PLAC8: variants seen among roughly 807,000 people sequenced by gnomAD.
The protein encoded by PLAC8 is placenta associated 8, also known as placenta-specific gene 8 protein.
In PLAC8, 6 loss-of-function variants were observed where a neutral mutation model predicts 12.6. That is an observed-to-expected ratio of 0.48 (90% CI 0.26 to 0.94). PLAC8 has a LOEUF of 0.94. Ranked by LOEUF, PLAC8 falls within the 40% of genes least tolerant of loss-of-function variation. The pLI is 0.14. For synonymous variants in PLAC8, 54 were observed against 52.6 expected (o/e 1.03, Z -0.11); for missense variants, 122 against 152.7 (o/e 0.80, Z 1.06).
intron 3 of PLAC8, among the ~76,000 whole-genome samples, chr4:83,100,355 C>G (rs1172937931): frequency 1.3e-5 from 2 of 152,090 alleles, no homozygotes; most frequent in Non-Finnish European, 2.9e-5. Flanking sequence ...GCTGGCTCCC[C>G]CTTTGCTTTC....
chr4:83,108,992 C>A (rs1732337490), intron 1 of PLAC8, among the ~76,000 whole-genome samples: 1 of 152,124 alleles, frequency 6.6e-6, no homozygotes, highest in African/African-American at 2.4e-5. Flanking sequence ...GTGGTAGGGG[C>A]AGTTTATTAA....
At chr4:83,103,287 C>A (rs987391669) in intron 3 of PLAC8, among the ~76,000 whole-genome samples, 1 of 151,496 alleles carries the variant, frequency 6.6e-6, no homozygotes, top group Admixed American at 6.6e-5. Flanking sequence ...CTCAGCTACT[C>A]GGGAGGATGA....
intron 1 of PLAC8, chr4:83,109,804 C>A (rs1402124366): frequency 6.6e-6 from 1 of 152,548 alleles, no homozygotes; most frequent in Non-Finnish European, 1.5e-5. Flanking sequence ...AACCCTCACC[C>A]CGCCGGATTA....
intron 4 of PLAC8, chr4:83,093,834 T>C (rs1731863493): frequency 6.6e-6 from 1 of 152,232 alleles, no homozygotes. Context: ...TAGATATTGA[T>C]ACATTGATAC....
Position 83,104,909 on chromosome 4 carries a change from C to T in PLAC8, c.230G>A (p.Arg77Gln), listed in dbSNP as rs774155860. 26 of 1,614,028 alleles carry T rather than the reference C, an allele frequency of 1.6e-5. No homozygotes were observed. Among genetic ancestry groups the T allele is most frequent in the Middle Eastern group, 3.3e-4 (2 of 6,030 alleles). Reference sequence around the variant, plus strand: ...TAAGAGACTCACAGGGATGCCATATCGGGTCCTGTAGAGAGTCCTCATTGC... The same window carrying T: ...TAAGAGACTCACAGGGATGCCATATTGGGTCCTGTAGAGAGTCCTCATTGC... Reference protein sequence around the residue: ...SVAMRTLYRTRYGIPGSICDD... With the variant: ...SVAMRTLYRTQYGIPGSICDD... Residue 77 changes from arginine to glutamine, a missense_variant, in exon 3 of 5, where the codon CGA becomes CAA. Transcript: ENST00000311507.
Position 83,100,291 on chromosome 4 carries a change from A to G in PLAC8, c.243+4605T>C, listed in dbSNP as rs959104282. Among the ~76,000 whole-genome samples the G allele has an allele frequency of 2.6e-5, 4 of 151,654 alleles. No homozygotes were observed. The South Asian group carries it at 8.4e-4, about 32-fold the overall frequency. On this transcript the variant is annotated intron_variant, in intron 3 of 4. Transcript: ENST00000311507. ...GCGAGACTCCATCTCAAAAAAAAAA[A>G]AAAAAATGTGTAGCACCTCTGTCTC...
At chr4:83,106,954 C>G (rs1028221247) in intron 2 of PLAC8, among the ~76,000 whole-genome samples, 1 of 152,166 alleles carries the variant, frequency 6.6e-6, no homozygotes, top group Non-Finnish European at 1.5e-5. Context: ...AATCCCAGTA[C>G]TTTGGGAGGC....
intron 1 of PLAC8, among the ~76,000 whole-genome samples, chr4:83,110,969 T>G (rs904719638): frequency 6.6e-6 from 1 of 152,168 alleles, no homozygotes; most frequent in African/African-American, 2.4e-5. Flanking sequence ...AGACTTTTTG[T>G]TGTTGTTGTT....
chr4:83,097,433 T>C (rs1179321642), intron 3 of PLAC8, among the ~76,000 whole-genome samples: 1 of 152,212 alleles, frequency 6.6e-6, no homozygotes, highest in Admixed American at 6.5e-5. Context: ...AAATAAGTTG[T>C]CTTGAAAATG....
At chr4:83,107,482 A>T (rs1465673361) in intron 2 of PLAC8, among the ~76,000 whole-genome samples, 3 of 151,992 alleles carry the variant, frequency 2.0e-5, no homozygotes, top group African/African-American at 4.8e-5. Context: ...AAATTAATGT[A>T]AGTTCTATTT....
rs757633903 is a variant in PLAC8, at chr4:83,095,969, G to A, written c.244-1178C>T. Among the ~76,000 whole-genome samples the A allele has an allele frequency of 9.9e-5, 15 of 152,272 alleles. 1 individual carries two copies. In the South Asian group the frequency reaches 3.1e-3, roughly 32 times the overall value. On this transcript the variant is annotated intron_variant, in intron 3 of 4. Coordinates refer to ENST00000311507, the MANE Select transcript of PLAC8 (RefSeq NM_016619.3). ...TCCATCAAGCGCAGGGTCTGCAAAC[G>A]ATGTTAAGCACTGATCTTAGTAACA...
intron 1 of PLAC8, among the ~76,000 whole-genome samples, chr4:83,110,598 G>A (rs1732402538): frequency 6.6e-6 from 1 of 152,216 alleles, no homozygotes; most frequent in Non-Finnish European, 1.5e-5. Context: ...CACGCTCTCC[G>A]CTTCCGGGCT....
chr4:83,102,861 C>T (rs1253743793), intron 3 of PLAC8, among the ~76,000 whole-genome samples: 7 of 151,522 alleles, frequency 4.6e-5, no homozygotes, highest in Admixed American at 1.3e-4. Context: ...CCGAGGCGGG[C>T]GGATCATGAG....
chr4:83,096,893 G>A (rs1170544483), intron 3 of PLAC8, among the ~76,000 whole-genome samples: 1 of 152,162 alleles, frequency 6.6e-6, no homozygotes, highest in African/African-American at 2.4e-5. Flanking sequence ...TAGGAGATGA[G>A]ACTCTCATGA....
chr4:83,106,648 A>G (rs529221153), intron 2 of PLAC8, among the ~76,000 whole-genome samples: 12 of 152,212 alleles, frequency 7.9e-5, no homozygotes, highest in Admixed American at 3.9e-4. Context: ...ACAAGGTTCA[A>G]TTCAACTCTC....
intron 3 of PLAC8, among the ~76,000 whole-genome samples, chr4:83,098,339 C>T (rs1416569721): frequency 3.9e-5 from 6 of 152,200 alleles, no homozygotes; most frequent in Admixed American, 1.3e-4. Context: ...TAAAATCACA[C>T]TGCTGTGGGG....
Position 83,112,192 on chromosome 4 carries a change from ATATATATATATG to A in PLAC8, c.-30+2462_-30+2473del, listed in dbSNP as rs1310553230. Among the ~76,000 whole-genome samples, 169 of 43,934 alleles carry A rather than the reference ATATATATATATG, an allele frequency of 3.8e-3. 1 individual carries two copies. Among genetic ancestry groups the A allele is most frequent in the East Asian group, 0.016 (21 of 1,322 alleles). The allele number at this position is 43,934 out of a possible 152,430, so 28.8% of individuals were successfully genotyped here. A position where few individuals can be genotyped will look rare whatever the true frequency, so the allele number is the denominator to read the frequency against. ...CCGTCTCAAAAAAAAAAAAATTTAT[ATATATATATATG>A]TATATATATATATGTATATATATAT... On this transcript the variant is annotated intron_variant, in intron 1 of 4. Coordinates refer to ENST00000311507, the MANE Select transcript of PLAC8 (RefSeq NM_016619.3).
chr4:83,105,054 C>T (rs1410748023), intron 2 of PLAC8, 34 bp from the exon 3 acceptor site: 1 of 1,613,102 alleles, frequency 6.2e-7, no homozygotes, highest in Non-Finnish European at 8.5e-7. Context: ...CATATTACTC[C>T]ACTCTGCCCC....
At chr4:83,098,584 T>C (rs956177239) in intron 3 of PLAC8, among the ~76,000 whole-genome samples, 14 of 152,292 alleles carry the variant, frequency 9.2e-5, no homozygotes, top group Non-Finnish European at 1.8e-4. Flanking sequence ...TTTTATGTAA[T>C]GTTAAAAGAT....
Sources: gnomAD v4.1 joint callset for allele counts (sites outside exome capture counted in the v4.1 genomes callset) on GRCh38, gnomAD v4.1.1 for gene constraint, MANE v1.5 for transcripts, NCBI Gene and HGNC (gene_info 2026-07-23, HGNC 2026-07-21) for gene names.